ZDHHC14: variants seen among roughly 807,000 people sequenced by gnomAD.
ZDHHC14 encodes the protein zDHHC palmitoyltransferase 14, also known as palmitoyltransferase ZDHHC14.
In ZDHHC14, 16 loss-of-function variants were observed where a neutral mutation model predicts 47.7. That is an observed-to-expected ratio of 0.34 (90% CI 0.23 to 0.51). The LOEUF is 0.51. Among genes scored for constraint, ZDHHC14 ranks in the 20% least tolerant of loss-of-function variants. The pLI, the probability that ZDHHC14 is intolerant of heterozygous loss-of-function variation, is 0.97. For missense variants in ZDHHC14, 515 were observed against 662.5 expected, an observed-to-expected ratio of 0.78 and a Z score of 2.44; for synonymous variants, 293 against 278.9, an observed-to-expected ratio of 1.05 and a Z score of -0.50.
At chr6:157,653,384 G>A in intron 7 of ZDHHC14, 141 bp from the exon 8 acceptor site, 2 of 733,430 alleles carry the variant, frequency 2.7e-6, no homozygotes, top group South Asian at 1.7e-5. Flanking sequence ...ATACACGAAA[G>A]TGAGGAGAGG....
At chr6:157,416,972 GTTTTTTTTTTT>G (rs71027335) in intron 1 of ZDHHC14, among the ~76,000 whole-genome samples, 14 of 45,558 alleles carry the variant, frequency 3.1e-4, no homozygotes, top group South Asian at 1.5e-3. Flanking sequence ...TGCCTGGCTA[GTTTTTTTTTTT>G]TTTTTTTTTT....
At chr6:157,474,368 A>G (rs951280170) in intron 1 of ZDHHC14, among the ~76,000 whole-genome samples, 3 of 152,216 alleles carry the variant, frequency 2.0e-5, no homozygotes, top group African/African-American at 4.8e-5. Context: ...TAATACTGCA[A>G]TGAATATGGG....
chr6:157,605,335 G>A (rs888446566), intron 3 of ZDHHC14, among the ~76,000 whole-genome samples: 1 of 152,186 alleles, frequency 6.6e-6, no homozygotes, highest in Non-Finnish European at 1.5e-5. Flanking sequence ...ATCCAGTAAT[G>A]TGCCTTTGGA....
chr6:157,556,119 G>A (rs1193287635), intron 2 of ZDHHC14, among the ~76,000 whole-genome samples: 1 of 151,722 alleles, frequency 6.6e-6, no homozygotes, highest in African/African-American at 2.4e-5. Context: ...GGGGACCCCA[G>A]CTAGATGTCT....
At chr6:157,443,098 A>T (rs2114794088) in intron 1 of ZDHHC14, among the ~76,000 whole-genome samples, 1 of 152,260 alleles carries the variant, frequency 6.6e-6, no homozygotes, top group East Asian at 1.9e-4. Context: ...AGGTGATTGG[A>T]TCATGGGGGC....
intron 1 of ZDHHC14, among the ~76,000 whole-genome samples, chr6:157,523,208 G>A (rs1173681708): frequency 6.6e-6 from 1 of 151,620 alleles, no homozygotes; most frequent in Non-Finnish European, 1.5e-5. Context: ...TGAAGTTAAT[G>A]GGCACTTAAA....
At chr6:157,554,184 A>C (rs887181499) in intron 2 of ZDHHC14, among the ~76,000 whole-genome samples, 3 of 152,220 alleles carry the variant, frequency 2.0e-5, no homozygotes, top group Non-Finnish European at 2.9e-5. Flanking sequence ...TTAAGGATGG[A>C]AACTCGAAGT....
chr6:157,654,858 T>C (rs563912143), intron 8 of ZDHHC14, among the ~76,000 whole-genome samples: 144 of 152,022 alleles, frequency 9.5e-4, no homozygotes, highest in Non-Finnish European at 1.7e-3. Flanking sequence ...GCCTCAGCCT[T>C]CCAAGTAGCT....
intron 1 of ZDHHC14, among the ~76,000 whole-genome samples, chr6:157,504,458 T>C (rs1353777297): frequency 6.7e-6 from 1 of 149,526 alleles, no homozygotes; most frequent in African/African-American, 2.5e-5. Flanking sequence ...TATTTTTTTT[T>C]TTTTTTTTTT....
At chr6:157,475,570 T>C (rs1332304062) in intron 1 of ZDHHC14, among the ~76,000 whole-genome samples, 2 of 152,176 alleles carry the variant, frequency 1.3e-5, no homozygotes, top group Non-Finnish European at 2.9e-5. Flanking sequence ...ATACAGACCC[T>C]TCACCTCTTT....
intron 2 of ZDHHC14, among the ~76,000 whole-genome samples, chr6:157,555,741 G>A (rs1379338856): frequency 1.3e-5 from 2 of 152,072 alleles, no homozygotes; most frequent in African/African-American, 4.8e-5. Flanking sequence ...CCTTGTTGTG[G>A]GCCCCGCACC....
chr6:157,605,184 G>C (rs1205429834), intron 3 of ZDHHC14, among the ~76,000 whole-genome samples: 1 of 152,282 alleles, frequency 6.6e-6, no homozygotes, highest in Middle Eastern at 3.4e-3. Context: ...TTTTAAAAAA[G>C]AGCTATGAAA....
chr6:157,639,506 A>T (rs1024653770), intron 5 of ZDHHC14, among the ~76,000 whole-genome samples: 1 of 152,036 alleles, frequency 6.6e-6, no homozygotes, highest in African/African-American at 2.4e-5. Context: ...GGGTTTCACC[A>T]TGTTGGCCAG....
chr6:157,609,355 A>T (rs1327678262), intron 3 of ZDHHC14, among the ~76,000 whole-genome samples: 4 of 152,214 alleles, frequency 2.6e-5, no homozygotes, highest in Non-Finnish European at 4.4e-5. Flanking sequence ...GGCAGCTTGC[A>T]CTGGGCAGAG....
chr6:157,666,723 T>A (rs1322641614), intron 8 of ZDHHC14, among the ~76,000 whole-genome samples: 1 of 152,188 alleles, frequency 6.6e-6, no homozygotes, highest in Non-Finnish European at 1.5e-5. Flanking sequence ...GTACACTCGG[T>A]TTTTTCAGAC....
Position 157,673,198 on chromosome 6 carries a change from C to G in ZDHHC14, c.*76C>G. On this transcript the variant is annotated 3_prime_UTR_variant, in exon 9 of 9. Transcript: ENST00000359775. This position sits in a 1 kb window ranked among gnomAD's most constrained non-coding sequence, Gnocchi z 5.4. The stretch of plus-strand genomic sequence containing the variant: ...GGAGTGAGCGGAGGGGTGTGTCCCA[C>G]AGCGACTTTCCCAGCCAATGCCACG... The G allele has an allele frequency of 6.9e-7, 1 of 1,458,448 alleles. No homozygotes were observed. Among genetic ancestry groups the G allele is most frequent in the Non-Finnish European group, 9.0e-7 (1 of 1,112,764 alleles). The allele number at this position is 1,458,448 out of a possible 1,614,324, so 90.3% of individuals were successfully genotyped here. A position where few individuals can be genotyped will look rare whatever the true frequency, so the allele number is the denominator to read the frequency against.
chr6:157,637,122 A>C (rs1281899978), intron 5 of ZDHHC14, among the ~76,000 whole-genome samples: 3 of 152,246 alleles, frequency 2.0e-5, no homozygotes, highest in African/African-American at 7.2e-5. Context: ...TTAGAGAACC[A>C]TGTGCTGAGT....
chr6:157,440,162 T>TTAATAA (rs199803371), intron 1 of ZDHHC14, among the ~76,000 whole-genome samples: 3,578 of 147,972 alleles, frequency 0.024, 131 homozygotes, highest in African/African-American at 0.08. Context: ...CCCTGGAACT[T>TTAATAA]TAATAATAAT....
At chr6:157,519,736 G>C (rs1780847787) in intron 1 of ZDHHC14, among the ~76,000 whole-genome samples, 1 of 152,172 alleles carries the variant, frequency 6.6e-6, no homozygotes, top group African/African-American at 2.4e-5. Context: ...AAAACGAAAG[G>C]ATTCATCGTT....
Sources: allele counts gnomAD v4.1 joint callset (sites outside exome capture counted in the v4.1 genomes callset), GRCh38; gene constraint gnomAD v4.1.1; non-coding constraint Gnocchi (gnomAD v3.1); transcripts MANE v1.5; gene names NCBI Gene and HGNC (gene_info 2026-07-23, HGNC 2026-07-21).